ARID4A: variants seen among roughly 807,000 people sequenced by gnomAD.
ARID4A encodes the protein AT-rich interaction domain 4A.
ARID4A carries 39 observed loss-of-function variants against 148.6 expected under a neutral mutation model. That is an observed-to-expected ratio of 0.26 (90% CI 0.20 to 0.34). ARID4A has a LOEUF of 0.34. ARID4A is among the 10% of genes least tolerant of loss of function. The probability of loss-of-function intolerance (pLI) is 1.00; values close to 1 mark genes in which losing one functional copy is unlikely to be tolerated. For synonymous variants in ARID4A, 475 were observed against 481.2 expected (o/e 0.99, Z 0.17); for missense variants, 1,265 against 1,449.1 (o/e 0.87, Z 2.06).
intron 9 of ARID4A, among the ~76,000 whole-genome samples, chr14:58,328,949 C>T (rs980928750): frequency 1.5e-4 from 23 of 150,984 alleles, no homozygotes; most frequent in African/African-American, 4.4e-4. Context: ...GCCGAGATCG[C>T]GCCACTGCAC....
chr14:58,325,426 G>A (rs566912727), intron 8 of ARID4A, among the ~76,000 whole-genome samples: 2 of 152,208 alleles, frequency 1.3e-5, no homozygotes, highest in East Asian at 1.9e-4. Context: ...TGGGACCACA[G>A]GTGTACATCA....
chr14:58,346,929 A>C (rs956398803), intron 13 of ARID4A, 91 bp from the exon 14 acceptor site: 273 of 74,278 alleles, frequency 3.7e-3, no homozygotes, highest in Non-Finnish European at 5.1e-3. Context: ...CCCTGTCTCA[A>C]AAAAAAAAAA....
intron 3 of ARID4A, among the ~76,000 whole-genome samples, chr14:58,303,129 A>T (rs1401081387): frequency 6.6e-6 from 1 of 152,182 alleles, no homozygotes; most frequent in Non-Finnish European, 1.5e-5. Flanking sequence ...GAGGTATATC[A>T]TATAGTTAAT....
chr14:58,306,517 G>A (rs945465451), intron 5 of ARID4A, among the ~76,000 whole-genome samples: 3 of 152,184 alleles, frequency 2.0e-5, no homozygotes, highest in African/African-American at 7.2e-5. Context: ...CCTGACCATG[G>A]TAGATTCAAG....
chr14:58,316,901 T>C (rs1393981585), intron 5 of ARID4A, among the ~76,000 whole-genome samples: 2 of 106,016 alleles, frequency 1.9e-5, no homozygotes, highest in African/African-American at 3.7e-5. Flanking sequence ...TTTTTTAAAA[T>C]ATGTACTAAA....
At chr14:58,351,350 G>A in intron 16 of ARID4A, 27 bp downstream of exon 16, 1 of 1,577,922 alleles carries the variant, frequency 6.3e-7, no homozygotes, top group South Asian at 1.2e-5. Context: ...TTGTTCTCCA[G>A]AAGCACCTGT....
At chr14:58,306,489 T>C (rs1054032393) in intron 5 of ARID4A, among the ~76,000 whole-genome samples, 10 of 152,216 alleles carry the variant, frequency 6.6e-5, no homozygotes, top group Admixed American at 5.9e-4. Flanking sequence ...TGCCAGACAA[T>C]TTACAGATTT....
chr14:58,372,043 A>C lies in ARID4A; in HGVS notation c.*54A>C. The C allele has an allele frequency of 1.6e-6, 2 of 1,259,342 alleles. No homozygotes were observed. The highest frequency in any genetic ancestry group is 2.3e-6 in the Non-Finnish European group (2 of 866,318). 78.0% of individuals were successfully genotyped at this position (1,259,342 alleles called of 1,614,324 possible). On this transcript the variant is annotated 3_prime_UTR_variant, in exon 24 of 24. Transcript: ENST00000355431. ...TTGCTGCCATGGACATAAATCCCCA[A>C]ACCCTGAATTACAACCACAGAAAGC...
At position 58,304,962 on chromosome 14, in the gene ARID4A, A is replaced by G. The variant is rs1361261071; in HGVS notation, c.136A>G (p.Asn46Asp). ...VKVKVLLKQD[N>D]TTQLVQDDQV... ...TTTTCAGGTACTCCTGAAACAGGAT[A>G]ATACCACACAATTGGTACAAGATGA... The change falls in exon 4 of 24, where the codon AAT (asparagine) becomes GAT (aspartate). Residue 46 changes from asparagine (N) to aspartate (D), a missense_variant. Physicochemically the swap from Asn to Asp is conservative, Grantham distance 23. Coordinates refer to ENST00000355431, the MANE Select transcript of ARID4A (RefSeq NM_002892.4). 5.6e-6 allele frequency: 9 copies of G among 1,608,722 alleles called. No homozygotes were observed. The highest frequency in any genetic ancestry group is 6.8e-6 in the Non-Finnish European group (8 of 1,178,202).
chr14:58,327,696 G>A (rs2033293658), intron 8 of ARID4A, among the ~76,000 whole-genome samples: 1 of 151,834 alleles, frequency 6.6e-6, no homozygotes, highest in African/African-American at 2.4e-5. Context: ...TTTTGAAATG[G>A]GGTCTCATTC....
rs561518428 is a variant in ARID4A at position 58,372,921 on chromosome 14, A to T, written c.*932A>T. On this transcript the variant is annotated 3_prime_UTR_variant, in exon 24 of 24. Coordinates refer to ENST00000355431, the MANE Select transcript of ARID4A (RefSeq NM_002892.4). The stretch of plus-strand genomic sequence containing the variant: ...ATTTTTTAAAATATTAATAAAATTT[A>T]AAAAAAGAAAATTCTAGGTTAATTC... 60 of 182,054 alleles carry T rather than the reference A, an allele frequency of 3.3e-4. No individual in the cohort carries two copies. The South Asian group carries it at 9.1e-3, about 28-fold the overall frequency. The allele number at this position is 182,054 out of a possible 1,614,324, so 11.3% of individuals were successfully genotyped here. A position where few individuals can be genotyped will look rare whatever the true frequency, so the allele number is the denominator to read the frequency against.
At chr14:58,339,674 T>C (rs2034009311) in intron 11 of ARID4A, among the ~76,000 whole-genome samples, 1 of 152,216 alleles carries the variant, frequency 6.6e-6, no homozygotes, top group Non-Finnish European at 1.5e-5. Flanking sequence ...TGTATTACTC[T>C]GTTCTCACGT....
In ARID4A at chr14:58,364,794, A is replaced by G. The variant is rs527629382; in HGVS notation, c.2705A>G (p.Gln902Arg). The change falls in exon 20 of 24, where the codon CAG becomes CGG. Residue 902 changes from glutamine (Q) to arginine (R), a missense_variant. Physicochemically the swap from Gln to Arg is conservative, Grantham distance 43. Transcript: ENST00000355431. ...GGAATGAAAAACTTAAATTTTGAACAGCACTTTGAAAGAGAAAATGAAGGA... is the reference window on the plus strand; with the variant it reads ...GGAATGAAAAACTTAAATTTTGAACGGCACTTTGAAAGAGAAAATGAAGGA... ...SEGMKNLNFEQHFERENEGMP... is the reference protein window; with the variant it reads ...SEGMKNLNFERHFERENEGMP... 17 of 1,614,178 alleles carry G rather than the reference A, an allele frequency of 1.1e-5. No individual in the cohort carries two copies. Among genetic ancestry groups the G allele is most frequent in the Admixed American group, 3.3e-5 (2 of 60,030 alleles).
chr14:58,366,980 T>G lies in ARID4A; in HGVS notation c.3621T>G (p.Val1207=). The G allele has an allele frequency of 1.3e-6, 2 of 1,519,274 alleles. No homozygotes were observed. Among genetic ancestry groups the G allele is most frequent in the Non-Finnish European group, 1.7e-6 (2 of 1,144,608 alleles). 94.1% of individuals were successfully genotyped at this position (1,519,274 alleles called of 1,614,324 possible). Residue 1207 remains valine, a synonymous_variant, in exon 23 of 24, where the codon GTT becomes GTG. Transcript: ENST00000355431. The part of the protein sequence containing the change: ...RKYYMSLKSE[V]ATIDRRRKRL... ...ATTATATGTCTTTGAAGTCTGAAGT[T>G]GCAACCATAGACAGGAGGAGAAAAA...
At chr14:58,356,625 C>T (rs924622599) in intron 17 of ARID4A, among the ~76,000 whole-genome samples, 7 of 151,164 alleles carry the variant, frequency 4.6e-5, no homozygotes, top group African/African-American at 1.7e-4. Context: ...AGTGGTTCAA[C>T]TTCAATTTTT....
intron 17 of ARID4A, among the ~76,000 whole-genome samples, chr14:58,355,085 TGC>T (rs2140249903): frequency 6.6e-6 from 1 of 152,332 alleles, no homozygotes; most frequent in South Asian, 2.1e-4. Context: ...CAGCTGATAG[TGC>T]CAGGCAAGTT....
rs71107938 is a variant in ARID4A at position 58,365,467 on chromosome 14, C to CTTTTTTTTTTTTTTTTTTTT, written c.3212-48_3212-29dup. ...TAGTCTGTTGAATAATATACTTGCT[C>CTTTTTTTTTTTTTTTTTTTT]TTTTTTTTTTTTTTTTTTTTTTCAA... On this transcript the variant is annotated intron_variant, in intron 20 of 23. Coordinates refer to ENST00000355431, the MANE Select transcript of ARID4A (RefSeq NM_002892.4). 25 of 351,542 alleles carry CTTTTTTTTTTTTTTTTTTTT rather than the reference C, an allele frequency of 7.1e-5. 1 individual carries two copies. The highest frequency in any genetic ancestry group is 7.5e-4 in the Middle Eastern group (1 of 1,338). 21.8% of individuals were successfully genotyped at this position (351,542 alleles called of 1,614,324 possible).
chr14:58,363,394 A>T (rs1043114414), intron 19 of ARID4A, among the ~76,000 whole-genome samples: 7 of 152,108 alleles, frequency 4.6e-5, no homozygotes, highest in Non-Finnish European at 8.8e-5. Flanking sequence ...GAGGATTCCA[A>T]TTGCCCATTT....
intron 11 of ARID4A, among the ~76,000 whole-genome samples, chr14:58,334,897 C>G (rs1351625732): frequency 6.6e-6 from 1 of 152,162 alleles, no homozygotes; most frequent in Non-Finnish European, 1.5e-5. Context: ...ATTTCCTCCA[C>G]CAGTCTTCAG....
Sources: allele counts gnomAD v4.1 joint callset (sites outside exome capture counted in the v4.1 genomes callset), GRCh38; gene constraint gnomAD v4.1.1; transcripts MANE v1.5; gene names NCBI Gene and HGNC (gene_info 2026-07-23, HGNC 2026-07-21).